The following NBEAL1 variants were observed in gnomAD, a reference collection of about 807,000 sequenced individuals.
The protein encoded by NBEAL1 is neurobeachin-like protein 1.
In NBEAL1, 273 loss-of-function variants were observed where a neutral mutation model predicts 351.3. The observed-to-expected ratio is 0.78, with a 90% CI of 0.70 to 0.86. The LOEUF (loss-of-function observed/expected upper bound fraction) is 0.86. Among genes scored for constraint, NBEAL1 ranks in the 40% least tolerant of loss-of-function variants. The pLI is 0.00. For synonymous variants in NBEAL1, 1,050 were observed against 1,086.4 expected, an observed-to-expected ratio of 0.97 and a Z score of 0.66; for missense variants, 2,961 against 3,201.3, an observed-to-expected ratio of 0.92 and a Z score of 1.81.
At chr2:203,081,762 G>T (rs908847007) in intron 8 of NBEAL1, among the ~76,000 whole-genome samples, 2 of 152,138 alleles carry the variant, frequency 1.3e-5, no homozygotes, top group African/African-American at 4.8e-5. Context: ...TAAGATAGAG[G>T]GGGTAAGGAA....
intron 18 of NBEAL1, among the ~76,000 whole-genome samples, chr2:203,117,617 CT>C (rs1202445206): frequency 1.3e-5 from 2 of 152,030 alleles, no homozygotes; most frequent in African/African-American, 4.8e-5. Flanking sequence ...TTCCTCAGTC[CT>C]TGCTGACCTC....
At chr2:203,111,488 A>T (rs2062571375) in intron 15 of NBEAL1, among the ~76,000 whole-genome samples, 1 of 151,868 alleles carries the variant, frequency 6.6e-6, no homozygotes, top group Non-Finnish European at 1.5e-5. Context: ...TTCCTATCTC[A>T]GCCTCCTGAG....
chr2:203,124,468 G>A (rs1249291364), intron 19 of NBEAL1, among the ~76,000 whole-genome samples: 1 of 152,136 alleles, frequency 6.6e-6, no homozygotes, highest in Non-Finnish European at 1.5e-5. Context: ...GTAGATTTTA[G>A]CTGCTCTTGT....
At chr2:203,081,078 C>A (rs2061863669) in intron 8 of NBEAL1, among the ~76,000 whole-genome samples, 1 of 152,124 alleles carries the variant, frequency 6.6e-6, no homozygotes, top group Non-Finnish European at 1.5e-5. Context: ...TCCTTGTGAT[C>A]CAGGCATAGC....
chr2:203,070,359 C>CTTTTTT (rs34588218), intron 7 of NBEAL1, among the ~76,000 whole-genome samples: 4 of 92,336 alleles, frequency 4.3e-5, no homozygotes, highest in Non-Finnish European at 6.4e-5. Flanking sequence ...CTCTCTCTCT[C>CTTTTTT]TTTTTTTTTT....
intron 17 of NBEAL1, among the ~76,000 whole-genome samples, chr2:203,114,101 C>A (rs1162156659): frequency 1.3e-5 from 2 of 152,074 alleles, no homozygotes; most frequent in Non-Finnish European, 2.9e-5. Context: ...GGATTACAGG[C>A]GTGAGCCACC....
At chr2:203,098,343 T>C (rs2062228630) in intron 11 of NBEAL1, among the ~76,000 whole-genome samples, 1 of 152,202 alleles carries the variant, frequency 6.6e-6, no homozygotes, top group Admixed American at 6.5e-5. Context: ...AATTTTTGTA[T>C]AACAAGACAC....
At chr2:203,029,708 G>T (rs1179541931) in intron 2 of NBEAL1, among the ~76,000 whole-genome samples, 3 of 142,730 alleles carry the variant, frequency 2.1e-5, no homozygotes, top group Non-Finnish European at 3.1e-5. Flanking sequence ...AAAAAAAAAA[G>T]CTAATAAAAA....
At chr2:203,159,948 T>C (rs960286867) in intron 36 of NBEAL1, among the ~76,000 whole-genome samples, 6 of 151,990 alleles carry the variant, frequency 3.9e-5, no homozygotes, top group African/African-American at 1.5e-4. Context: ...CCTAGATGGT[T>C]TGAAGTCGTT....
At chr2:203,161,168 A>C (rs1025262181) in intron 36 of NBEAL1, among the ~76,000 whole-genome samples, 2 of 151,788 alleles carry the variant, frequency 1.3e-5, no homozygotes, top group African/African-American at 4.8e-5. Context: ...TCTACTAAAA[A>C]TACAAAAAAT....
chr2:203,033,777 A>G (rs1034443350), intron 2 of NBEAL1, among the ~76,000 whole-genome samples: 25 of 152,200 alleles, frequency 1.6e-4, no homozygotes, highest in African/African-American at 6.0e-4. Context: ...TCCTATTATG[A>G]TTATCCACTG....
chr2:203,197,974 CAATCTTGTG>C (rs2065284735), intron 48 of NBEAL1, among the ~76,000 whole-genome samples: 1 of 149,774 alleles, frequency 6.7e-6, no homozygotes, highest in Non-Finnish European at 1.5e-5. Flanking sequence ...TGAGCAGTGG[CAATCTTGTG>C]AATTTCAATC....
At chr2:203,072,261 G>A (rs1449773612) in intron 7 of NBEAL1, among the ~76,000 whole-genome samples, 2 of 152,046 alleles carry the variant, frequency 1.3e-5, no homozygotes, top group Admixed American at 1.3e-4. Context: ...GTCCCCTTTA[G>A]TTCAAAATGG....
At chr2:203,098,078 A>G (rs1261237272) in intron 11 of NBEAL1, among the ~76,000 whole-genome samples, 1 of 152,156 alleles carries the variant, frequency 6.6e-6, no homozygotes, top group African/African-American at 2.4e-5. Flanking sequence ...ATCTTGGAGG[A>G]AGGGAAGAAG....
chr2:203,164,891 T>C (rs1355997180), intron 36 of NBEAL1, among the ~76,000 whole-genome samples: 2 of 151,450 alleles, frequency 1.3e-5, no homozygotes, highest in African/African-American at 4.9e-5. Flanking sequence ...GATGGAGTTT[T>C]GCTCTTGTTG....
intron 6 of NBEAL1, among the ~76,000 whole-genome samples, chr2:203,065,263 A>AG (rs1223522535): frequency 6.6e-6 from 1 of 152,118 alleles, no homozygotes; most frequent in Non-Finnish European, 1.5e-5. Flanking sequence ...TGTCTCTAAA[A>AG]GAAAAAAAAA....
intron 43 of NBEAL1, chr2:203,183,016 G>T: frequency 4.5e-6 from 1 of 222,610 alleles, no homozygotes; most frequent in Non-Finnish European, 8.7e-6. Flanking sequence ...TTTGCATTTT[G>T]GTCTGATTGA....
chr2:203,023,365 AC>A (rs571107932), intron 2 of NBEAL1, among the ~76,000 whole-genome samples: 18 of 152,352 alleles, frequency 1.2e-4, no homozygotes, highest in African/African-American at 3.6e-4. Flanking sequence ...ACAGCCTAGT[AC>A]TAGTAGTTAC....
At chr2:203,178,348 G>A (rs1031594633) in intron 42 of NBEAL1, among the ~76,000 whole-genome samples, 1 of 151,736 alleles carries the variant, frequency 6.6e-6, no homozygotes, top group Admixed American at 6.6e-5. Context: ...TGTATATTTG[G>A]TAGAGACGGG....
Sources: allele counts gnomAD v4.1 joint callset (sites outside exome capture counted in the v4.1 genomes callset), GRCh38; gene constraint gnomAD v4.1.1; transcripts MANE v1.5; gene names NCBI Gene and HGNC (gene_info 2026-07-23, HGNC 2026-07-21).